The following TIAM2 variants were observed in gnomAD, a reference collection of about 807,000 sequenced individuals.
The protein encoded by TIAM2 is TIAM Rac1 associated GEF 2, also known as rho guanine nucleotide exchange factor TIAM2.
TIAM2 carries 80 observed loss-of-function variants against 152.9 expected under a neutral mutation model. The ratio of observed to expected loss-of-function variants is 0.52; its 90% confidence interval spans 0.44 to 0.63. TIAM2 has a LOEUF of 0.63. Among genes scored for constraint, TIAM2 ranks in the 30% least tolerant of loss-of-function variants. The pLI, the probability that TIAM2 is intolerant of heterozygous loss-of-function variation, is 0.00. For synonymous variants in TIAM2, 804 were observed against 838.0 expected (o/e 0.96, Z 0.70); for missense variants, 1,965 against 2,120.1 (o/e 0.93, Z 1.44).
At chr6:155,229,900 C>G (rs1489653953) in intron 15 of TIAM2, among the ~76,000 whole-genome samples, 1 of 152,078 alleles carries the variant, frequency 6.6e-6, no homozygotes, top group East Asian at 1.9e-4. Flanking sequence ...CTTTATAAAA[C>G]CATCAGATCT....
chr6:155,082,801 A>G (rs956488750), intron 1 of TIAM2, among the ~76,000 whole-genome samples: 3 of 152,072 alleles, frequency 2.0e-5, no homozygotes, highest in Non-Finnish European at 4.4e-5. Flanking sequence ...TATTTTGCCT[A>G]TTGTAGAGAG....
Position 155,254,286 on chromosome 6 carries a change from T to A in TIAM2, c.4314-133T>A. 9.1e-6 allele frequency: 11 copies of A among 1,204,952 alleles called. No homozygotes were observed. In the South Asian group the frequency reaches 1.5e-4, roughly 16 times the overall value. The allele number at this position is 1,204,952 out of a possible 1,614,324, so 74.6% of individuals were successfully genotyped here. A position where few individuals can be genotyped will look rare whatever the true frequency, so the allele number is the denominator to read the frequency against. ...ACCTCCTTCTGTACGGGAGGCCACA[T>A]GGCACTGCTGCTGGGTGGCTGGCTG... On this transcript the variant is annotated intron_variant, in intron 25 of 26. Coordinates refer to ENST00000682666, the MANE Select transcript of TIAM2 (RefSeq NM_012454.4).
At chr6:155,123,715 G>T (rs887597626) in intron 2 of TIAM2, among the ~76,000 whole-genome samples, 3 of 152,172 alleles carry the variant, frequency 2.0e-5, no homozygotes, top group African/African-American at 7.2e-5. Context: ...TTTGTCCGCT[G>T]GTTTTGGCGA....
At position 155,250,954 on chromosome 6, in the gene TIAM2, G is replaced by C; in HGVS notation, c.3993G>C (p.Thr1331=). 3 of 1,614,146 alleles carry C rather than the reference G, an allele frequency of 1.9e-6. No individual in the cohort carries two copies. The highest frequency in any genetic ancestry group is 2.5e-6 in the Non-Finnish European group (3 of 1,180,028). ...TGGGAGAGCTTCTGATGCACTCTAC[G>C]GTTTCCTGGTTGAATCCATTTCTGT... ...LSMGELLMHS[T]VSWLNPFLSL... is the part of the protein sequence containing the mutation. The change falls in exon 22 of 27, where the codon ACG becomes ACC. Residue 1331 remains threonine (T), a synonymous_variant. Coordinates refer to ENST00000682666, the MANE Select transcript of TIAM2 (RefSeq NM_012454.4).
intron 2 of TIAM2, among the ~76,000 whole-genome samples, chr6:155,122,901 T>A (rs1779205053): frequency 6.6e-6 from 1 of 152,094 alleles, no homozygotes; most frequent in Non-Finnish European, 1.5e-5. Context: ...GTTTTTTAAA[T>A]TTTTTTCAGC....
At chr6:155,141,476 G>GTT (rs761299127) in intron 5 of TIAM2, among the ~76,000 whole-genome samples, 1 of 152,152 alleles carries the variant, frequency 6.6e-6, no homozygotes, top group Non-Finnish European at 1.5e-5. Flanking sequence ...ATGGGAGACA[G>GTT]TTTTCTGGAG....
At chr6:155,172,661 TATATATATATATATA>T in intron 9 of TIAM2, among the ~76,000 whole-genome samples, 1 of 8,302 alleles carries the variant, frequency 1.2e-4, no homozygotes, top group Non-Finnish European at 3.4e-4. Flanking sequence ...TATATATATA[TATATATATATATATA>T]TATATATATA....
At chr6:155,047,688 G>GGAGAGAGAGAGA (rs1454984198) in intron 1 of TIAM2, among the ~76,000 whole-genome samples, 1 of 44,684 alleles carries the variant, frequency 2.2e-5, no homozygotes, top group African/African-American at 8.3e-5. Flanking sequence ...GAGAGAGAGA[G>GGAGAGAGAGAGA]GAGAGAGAGA....
chr6:155,026,746 T>A (rs1337220740), intron 1 of TIAM2, among the ~76,000 whole-genome samples: 2 of 152,108 alleles, frequency 1.3e-5, no homozygotes, highest in Non-Finnish European at 2.9e-5. Context: ...AGGCTTCTGG[T>A]TTGATTGGAG....
Position 155,137,390 on chromosome 6 carries a change from AG to A in TIAM2, c.1410del (p.Thr471ProfsTer6). ...TTTCATGCGAGAGTTGGAAATGAGC[AG>A]GACCAACACTGAGAACATAGAAACA... ...ENFMRELEMSRTNTENIETST... is the reference protein window; with the variant it reads ...ENFMRELEMSXTNTENIETST... On this transcript the variant is annotated frameshift_variant, in exon 5 of 27. Transcript: ENST00000682666. LOFTEE classifies it high-confidence loss of function. The A allele has an allele frequency of 6.2e-7, 1 of 1,614,230 alleles. No individual in the cohort carries two copies.
At chr6:155,109,300 A>T (rs925904861) in intron 2 of TIAM2, among the ~76,000 whole-genome samples, 1 of 152,184 alleles carries the variant, frequency 6.6e-6, no homozygotes, top group Non-Finnish European at 1.5e-5. Flanking sequence ...TTTTAGATTT[A>T]GAAAAATACA....
chr6:155,032,963 A>G (rs116639694), intron 1 of TIAM2, among the ~76,000 whole-genome samples: 208 of 152,352 alleles, frequency 1.4e-3, no homozygotes, highest in African/African-American at 4.7e-3. Context: ...GAAAACAGCT[A>G]TGTGTTAATT....
rs760148115 is a variant in TIAM2, at chr6:155,183,426, G to A, written c.2990G>A (p.Ser997Asn). The A allele has an allele frequency of 9.3e-6, 15 of 1,614,162 alleles. No individual in the cohort carries two copies. The highest frequency in any genetic ancestry group is 1.2e-5 in the Non-Finnish European group (14 of 1,180,026). Residue 997 changes from serine to asparagine, a missense_variant, in exon 14 of 27, where the codon AGT (serine) becomes AAT (asparagine). This residue lies in a region of TIAM2 where 935 missense variants were observed against 980.0 expected (regional missense o/e 0.95). Transcript: ENST00000682666. ...DSDLFSRDQK[S>N]LLPPPNQSQL... Reference sequence around the variant, plus strand: ...GACCTGTTCTCCAGGGACCAGAAGAGTCTGCTGCCCCCTCCTAACCAGTCC... The same window carrying A: ...GACCTGTTCTCCAGGGACCAGAAGAATCTGCTGCCCCCTCCTAACCAGTCC...
chr6:155,117,695 G>A (rs1358386906), intron 2 of TIAM2, among the ~76,000 whole-genome samples: 7 of 152,170 alleles, frequency 4.6e-5, no homozygotes, highest in Non-Finnish European at 8.8e-5. Flanking sequence ...CACCCACCTC[G>A]GCCTTCCAAA....
chr6:155,105,178 A>G (rs909384681), intron 2 of TIAM2, among the ~76,000 whole-genome samples: 5 of 151,308 alleles, frequency 3.3e-5, no homozygotes, highest in African/African-American at 7.3e-5. Context: ...GGATGGTCTC[A>G]ATCTCCTGTC....
At chr6:155,228,569 G>C (rs183292719) in intron 15 of TIAM2, among the ~76,000 whole-genome samples, 76 of 152,228 alleles carry the variant, frequency 5.0e-4, no homozygotes, top group African/African-American at 1.8e-3. Context: ...TAGAGAAAAT[G>C]CAGTTCCTGG....
chr6:155,077,254 T>C (rs1404347799), intron 1 of TIAM2, among the ~76,000 whole-genome samples: 1 of 151,966 alleles, frequency 6.6e-6, no homozygotes, highest in African/African-American at 2.4e-5. Context: ...GGATCTATAA[T>C]AACTTGACCA....
At position 155,129,187 on chromosome 6, in the gene TIAM2, G is replaced by A. The variant is rs778805702; in HGVS notation, c.-6-31G>A. 8.2e-6 allele frequency: 13 copies of A among 1,587,060 alleles called. No homozygotes were observed. The highest frequency in any genetic ancestry group is 2.2e-5 in the East Asian group (1 of 44,494). On this transcript the variant is annotated intron_variant, in intron 3 of 26. Coordinates refer to ENST00000682666, the MANE Select transcript of TIAM2 (RefSeq NM_012454.4). This position sits in a 1 kb window ranked among gnomAD's most constrained non-coding sequence, Gnocchi z 4.8. ...CATAATGGAATGTAATTTAGGCCACGGTCTTACTGATGCAACTGTTCTTAA... is the reference window on the plus strand; with the variant it reads ...CATAATGGAATGTAATTTAGGCCACAGTCTTACTGATGCAACTGTTCTTAA...
At chr6:155,026,295 G>A (rs528851642) in intron 1 of TIAM2, among the ~76,000 whole-genome samples, 1 of 152,312 alleles carries the variant, frequency 6.6e-6, no homozygotes, top group Non-Finnish European at 1.5e-5. Context: ...CAAAATCTCT[G>A]TTGATTCCTC....
Sources: gnomAD v4.1 joint callset for allele counts (sites outside exome capture counted in the v4.1 genomes callset) on GRCh38, gnomAD v4.1.1 for gene constraint, gnomAD v4.1.1 regional missense constraint, Gnocchi (gnomAD v3.1) non-coding constraint, MANE v1.5 for transcripts, NCBI Gene and HGNC (gene_info 2026-07-23, HGNC 2026-07-21) for gene names.